Variants in OR10Z1 observed in about 807,000 individuals in gnomAD.
OR10Z1 encodes the protein olfactory receptor family 10 subfamily Z member 1.
For missense variants in OR10Z1, 468 were observed against 371.0 expected (o/e 1.26, Z -2.15); for synonymous variants, 187 against 151.2 (o/e 1.24, Z -1.74).
Position 158,607,240 on chromosome 1 carries a change from CTT to C in OR10Z1, c.803_804del (p.Leu268ArgfsTer18), listed in dbSNP as rs764563224. On this transcript the variant is annotated frameshift_variant, in exon 2 of 2. Coordinates refer to ENST00000641002, the MANE Select transcript of OR10Z1 (RefSeq NM_001004478.2). LOFTEE classifies it low-confidence loss of function (END_TRUNC). ...VYLRPKASYSLERDQLIAMTY... is the reference protein window; with the variant it reads ...VYLRPKASYSXERDQLIAMTY... ...CCTGAGGCCCAAAGCCAGCTACTCT[CTT>C]GAGAGAGATCAGCTTATTGCCATGA... 4.0e-4 allele frequency: 652 copies of C among 1,614,096 alleles called. 2 individuals are homozygous for C. Among genetic ancestry groups the C allele is most frequent in the Middle Eastern group, 2.8e-3 (17 of 6,062 alleles).
chr1:158,611,131 GCA>G lies in OR10Z1; in HGVS notation c.*3785_*3786del, dbSNP rs55832242. The G allele has an allele frequency of 0.31, 208,260 of 664,300 alleles. 11,471 individuals carry two copies. Among genetic ancestry groups the G allele is most frequent in the East Asian group, 0.45 (13,788 of 30,644 alleles). 41.2% of individuals were successfully genotyped at this position (664,300 alleles called of 1,614,324 possible). A position where few individuals can be genotyped will look rare whatever the true frequency, so the allele number is the denominator to read the frequency against. ...AAATGTAATATGCACACAAACACAA[GCA>G]CACACACACACACACACACACACAC... On this transcript the variant is annotated 3_prime_UTR_variant, in exon 2 of 2. Coordinates refer to ENST00000641002, the MANE Select transcript of OR10Z1 (RefSeq NM_001004478.2).
rs771251050 is a variant in OR10Z1 at position 158,612,466 on chromosome 1, C to T, written c.*5086C>T. On this transcript the variant is annotated 3_prime_UTR_variant, in exon 2 of 2. Transcript: ENST00000641002. The stretch of plus-strand genomic sequence containing the variant: ...GTAAAGTTCTGTCTTCCCCACTACA[C>T]CTGAATTTAGGGACTGTGTCTTACT... 7.7e-5 allele frequency: 25 copies of T among 326,236 alleles called. No individual in the cohort carries two copies. The highest frequency in any genetic ancestry group is 1.4e-4 in the Non-Finnish European group (24 of 169,528). The allele number at this position is 326,236 out of a possible 1,614,324, so 20.2% of individuals were successfully genotyped here.
chr1:158,606,702 G>GA lies in OR10Z1; in HGVS notation c.264_265insA (p.Asp89ArgfsTer23). The GA allele has an allele frequency of 1.9e-6, 3 of 1,614,008 alleles. No homozygotes were observed. Among genetic ancestry groups the GA allele is most frequent in the Non-Finnish European group, 2.5e-6 (3 of 1,179,962 alleles). ...GAATGCTCTCTGGCCTGGCTGGGGGGGACCAGGCTATCTCCTATGTGGGCT... is the reference window on the plus strand; with the variant it reads ...GAATGCTCTCTGGCCTGGCTGGGGGGAGACCAGGCTATCTCCTATGTGGGCT... On this transcript the variant is annotated frameshift_variant, in exon 2 of 2. Transcript: ENST00000641002. LOFTEE classifies it low-confidence loss of function (END_TRUNC).
chr1:158,611,416 C>T lies in OR10Z1; in HGVS notation c.*4036C>T. ...TGAAAAGTATAAAAAGAGAAAAATA[C>T]AGTTATAGGGATTCAAAATAGCTGG... On this transcript the variant is annotated 3_prime_UTR_variant, in exon 2 of 2. Transcript: ENST00000641002. 1.9e-6 allele frequency: 3 copies of T among 1,612,456 alleles called. No homozygotes were observed. Among genetic ancestry groups the T allele is most frequent in the Non-Finnish European group, 2.5e-6 (3 of 1,178,970 alleles).
chr1:158,611,559 GTAACT>G lies in OR10Z1; in HGVS notation c.*4186_*4190del. The stretch of plus-strand genomic sequence containing the variant: ...CTCATAAATTTATAATTTCTAATGA[GTAACT>G]TAACTTTTAATCTCAGCCCTTTCTT... On this transcript the variant is annotated 3_prime_UTR_variant, in exon 2 of 2. Transcript: ENST00000641002. The G allele has an allele frequency of 1.5e-6, 1 of 649,420 alleles. No individual in the cohort carries two copies. Among genetic ancestry groups the G allele is most frequent in the Non-Finnish European group, 2.5e-6 (1 of 396,696 alleles). The allele number at this position is 649,420 out of a possible 1,614,324, so 40.2% of individuals were successfully genotyped here. A position where few individuals can be genotyped will look rare whatever the true frequency, so the allele number is the denominator to read the frequency against.
In OR10Z1 at chr1:158,609,738, A is replaced by G. The variant is rs927648193; in HGVS notation, c.*2358A>G. 6.6e-6 allele frequency: 1 copy of G among 152,162 alleles called. No homozygotes were observed. The highest frequency in any genetic ancestry group is 1.5e-5 in the Non-Finnish European group (1 of 68,018). 9.4% of individuals were successfully genotyped at this position (152,162 alleles called of 1,614,324 possible). A position where few individuals can be genotyped will look rare whatever the true frequency, so the allele number is the denominator to read the frequency against. ...TTCAAATTTCCTCTCTTGATTAAGT[A>G]TGTGACTACGCGCTTAGAAAGGGCA... On this transcript the variant is annotated 3_prime_UTR_variant, in exon 2 of 2. Transcript: ENST00000641002.
Position 158,607,118 on chromosome 1 carries a change from G to T in OR10Z1, c.680G>T (p.Arg227Met). 1 of 1,613,950 alleles carries T rather than the reference G, an allele frequency of 6.2e-7. No individual in the cohort carries two copies. The highest frequency in any genetic ancestry group is 8.5e-7 in the Non-Finnish European group (1 of 1,179,964). Residue 227 changes from arginine to methionine, a missense_variant, in exon 2 of 2, where the codon AGG becomes ATG. Physicochemically the swap from Arg to Met is moderately conservative, Grantham distance 91. Coordinates refer to ENST00000641002, the MANE Select transcript of OR10Z1 (RefSeq NM_001004478.2). ...SYAYILAAIL[R>M]IPSAEGQKKA... ...GCCTACATCTTGGCAGCAATACTGA[G>T]GATCCCCTCTGCTGAGGGGCAGAAG... is the stretch of plus-strand genomic sequence containing the variant.
Position 158,607,469 on chromosome 1 carries a change from C to A in OR10Z1, c.*89C>A, listed in dbSNP as rs1329231715. ...AGGGCCAGGTATTCAAGGCCTCAGG[C>A]CAAAGCTGTCCTACCCCCAATCTTC... is the stretch of plus-strand genomic sequence containing the variant. On this transcript the variant is annotated 3_prime_UTR_variant, in exon 2 of 2. Transcript: ENST00000641002. 1 of 941,084 alleles carries A rather than the reference C, an allele frequency of 1.1e-6. No homozygotes were observed. The highest frequency in any genetic ancestry group is 2.3e-5 in the Admixed American group (1 of 43,664). 58.3% of individuals were successfully genotyped at this position (941,084 alleles called of 1,614,324 possible). A position where few individuals can be genotyped will look rare whatever the true frequency, so the allele number is the denominator to read the frequency against.
In OR10Z1 at chr1:158,607,992, T is replaced by C. The variant is rs1002101319; in HGVS notation, c.*612T>C. 3.3e-5 allele frequency: 5 copies of C among 152,214 alleles called. No individual in the cohort carries two copies. The highest frequency in any genetic ancestry group is 1.2e-4 in the African/African-American group (5 of 41,452). 9.4% of individuals were successfully genotyped at this position (152,214 alleles called of 1,614,324 possible). A position where few individuals can be genotyped will look rare whatever the true frequency, so the allele number is the denominator to read the frequency against. ...ATATACAGTGGGGCACATGTGCTTA[T>C]ACATTCCTCATTGTGCTATTGACAG... On this transcript the variant is annotated 3_prime_UTR_variant, in exon 2 of 2. Transcript: ENST00000641002.
rs973231981 is a variant in OR10Z1 at position 158,607,489 on chromosome 1, A to G, written c.*109A>G. 1.1e-5 allele frequency: 9 copies of G among 786,316 alleles called. No individual in the cohort carries two copies. The highest frequency in any genetic ancestry group is 7.5e-5 in the East Asian group (3 of 39,736). 48.7% of individuals were successfully genotyped at this position (786,316 alleles called of 1,614,324 possible). ...TCAGGCCAAAGCTGTCCTACCCCCA[A>G]TCTTCTGGGAAAGCCTTATCCTGCC... On this transcript the variant is annotated 3_prime_UTR_variant, in exon 2 of 2. Transcript: ENST00000641002.
Position 158,611,225 on chromosome 1 carries a change from C to T in OR10Z1, c.*3845C>T, listed in dbSNP as rs202171095. The T allele has an allele frequency of 6.8e-5, 110 of 1,608,946 alleles. No individual in the cohort carries two copies. In the Admixed American group the frequency reaches 9.0e-4, roughly 13 times the overall value. ...TCTTTGCCCCCCAGTAAATTTCCCACGACACTAAGATTTTCTACGATCCAC... is the reference window on the plus strand; with the variant it reads ...TCTTTGCCCCCCAGTAAATTTCCCATGACACTAAGATTTTCTACGATCCAC... On this transcript the variant is annotated 3_prime_UTR_variant, in exon 2 of 2. Coordinates refer to ENST00000641002, the MANE Select transcript of OR10Z1 (RefSeq NM_001004478.2).
Position 158,606,944 on chromosome 1 carries a change from G to T in OR10Z1, c.506G>T (p.Cys169Phe). ...CTAGTTATTTTCCACCTCTCATTCT[G>T]CAGCTCCCATGAAATCCAGCACTTT... ...MTLVIFHLSFCSSHEIQHFFC... is the reference protein window; with the variant it reads ...MTLVIFHLSFFSSHEIQHFFC... Residue 169 changes from cysteine to phenylalanine, a missense_variant, in exon 2 of 2, where the codon TGC becomes TTC. Physicochemically the swap from Cys to Phe is radical, Grantham distance 205. Transcript: ENST00000641002. 6.2e-7 allele frequency: 1 copy of T among 1,614,026 alleles called. No homozygotes were observed. The highest frequency in any genetic ancestry group is 2.2e-5 in the East Asian group (1 of 44,866).
In OR10Z1 at chr1:158,606,382, G is replaced by T. The variant is rs1343913524; in HGVS notation, c.-57G>T. On this transcript the variant is annotated 5_prime_UTR_variant, in exon 2 of 2. Coordinates refer to ENST00000641002, the MANE Select transcript of OR10Z1 (RefSeq NM_001004478.2). Reference sequence around the variant, plus strand: ...ATCATCCACCTTTTAAAGAAGTTAGGCATCTACTGGCAAGGTGGAAGAAAT... The same window carrying T: ...ATCATCCACCTTTTAAAGAAGTTAGTCATCTACTGGCAAGGTGGAAGAAAT... The T allele has an allele frequency of 1.9e-5, 20 of 1,031,128 alleles. No individual in the cohort carries two copies. The South Asian group carries it at 2.7e-4, about 14-fold the overall frequency. 63.9% of individuals were successfully genotyped at this position (1,031,128 alleles called of 1,614,324 possible).
Position 158,610,817 on chromosome 1 carries a change from C to T in OR10Z1, c.*3437C>T, listed in dbSNP as rs2101739659. The T allele has an allele frequency of 6.4e-6, 1 of 155,284 alleles. No individual in the cohort carries two copies. Among genetic ancestry groups the T allele is most frequent in the East Asian group, 1.9e-4 (1 of 5,298 alleles). The allele number at this position is 155,284 out of a possible 1,614,324, so 9.6% of individuals were successfully genotyped here. On this transcript the variant is annotated 3_prime_UTR_variant, in exon 2 of 2. Transcript: ENST00000641002. ...TTTTATTTATCTACTATACCATGGC[C>T]CTTCTTTACAGTAAAATTAGCTGCC... is the stretch of plus-strand genomic sequence containing the variant.
rs1004935477 is a variant in OR10Z1 at position 158,611,501 on chromosome 1, G to A, written c.*4121G>A. 22 of 1,256,164 alleles carry A rather than the reference G, an allele frequency of 1.8e-5. No homozygotes were observed. The highest frequency in any genetic ancestry group is 4.9e-5 in the East Asian group (2 of 40,804). 77.8% of individuals were successfully genotyped at this position (1,256,164 alleles called of 1,614,324 possible). A position where few individuals can be genotyped will look rare whatever the true frequency, so the allele number is the denominator to read the frequency against. The stretch of plus-strand genomic sequence containing the variant: ...AGGAGATGGAGAGTCTCTGGAAGAC[G>A]CAAGCCCTATTTCTATTACACACAA... On this transcript the variant is annotated 3_prime_UTR_variant, in exon 2 of 2. Coordinates refer to ENST00000641002, the MANE Select transcript of OR10Z1 (RefSeq NM_001004478.2).
rs943417368 is a variant in OR10Z1, at chr1:158,611,206, C to T, written c.*3826C>T. 6 of 1,598,598 alleles carry T rather than the reference C, an allele frequency of 3.8e-6. No homozygotes were observed. The highest frequency in any genetic ancestry group is 1.3e-5 in the African/African-American group (1 of 74,354). Reference sequence around the variant, plus strand: ...CTTCCACATTTGCCTGTACTCTTTGCCCCCCAGTAAATTTCCCACGACACT... The same window carrying T: ...CTTCCACATTTGCCTGTACTCTTTGTCCCCCAGTAAATTTCCCACGACACT... On this transcript the variant is annotated 3_prime_UTR_variant, in exon 2 of 2. Coordinates refer to ENST00000641002, the MANE Select transcript of OR10Z1 (RefSeq NM_001004478.2).
In OR10Z1 at chr1:158,606,810, G is replaced by C. The variant is rs1649063051; in HGVS notation, c.372G>C (p.Val124=). ...LLAAMGFDRY[V]AICAPLHYAS... ...CTGCCATGGGCTTTGACAGATATGTGGCCATCTGTGCTCCACTCCACTATG... is the reference window on the plus strand; with the variant it reads ...CTGCCATGGGCTTTGACAGATATGTCGCCATCTGTGCTCCACTCCACTATG... Residue 124 remains valine, a synonymous_variant, in exon 2 of 2, where the codon GTG becomes GTC. Coordinates refer to ENST00000641002, the MANE Select transcript of OR10Z1 (RefSeq NM_001004478.2). 2 of 1,613,754 alleles carry C rather than the reference G, an allele frequency of 1.2e-6. No homozygotes were observed. The highest frequency in any genetic ancestry group is 8.5e-7 in the Non-Finnish European group (1 of 1,179,948).
In OR10Z1 at chr1:158,607,725, A is replaced by C. The variant is rs1649097232; in HGVS notation, c.*345A>C. On this transcript the variant is annotated 3_prime_UTR_variant, in exon 2 of 2. Transcript: ENST00000641002. ...GCTGAACAAAATGAGGGAAGTTTGG[A>C]GTGTTCAAGTTCAAGGCAGGGCTGG... 5.0e-6 allele frequency: 1 copy of C among 200,836 alleles called. No individual in the cohort carries two copies. Among genetic ancestry groups the C allele is most frequent in the African/African-American group, 2.3e-5 (1 of 42,868 alleles). 12.4% of individuals were successfully genotyped at this position (200,836 alleles called of 1,614,324 possible).
At position 158,611,451 on chromosome 1, in the gene OR10Z1, G is replaced by A. The variant is rs1426130167; in HGVS notation, c.*4071G>A. On this transcript the variant is annotated 3_prime_UTR_variant, in exon 2 of 2. Coordinates refer to ENST00000641002, the MANE Select transcript of OR10Z1 (RefSeq NM_001004478.2). Reference sequence around the variant, plus strand: ...GATTCAAAATAGCTGGTTCCTTGGGGCTTCCCATATTACGCCATAAATGCA... The same window carrying A: ...GATTCAAAATAGCTGGTTCCTTGGGACTTCCCATATTACGCCATAAATGCA... 1.9e-6 allele frequency: 3 copies of A among 1,599,638 alleles called. No homozygotes were observed. Among genetic ancestry groups the A allele is most frequent in the Non-Finnish European group, 2.6e-6 (3 of 1,169,438 alleles).
Sources: allele counts gnomAD v4.1 joint callset, GRCh38; gene constraint gnomAD v4.1.1; transcripts MANE v1.5; gene names NCBI Gene and HGNC (gene_info 2026-07-23, HGNC 2026-07-21).